The following PRKCE variants were observed in gnomAD, a reference collection of about 807,000 sequenced individuals.
PRKCE encodes protein kinase C epsilon.
Under a neutral mutation model 85.4 loss-of-function variants are expected in PRKCE, and 16 were observed. The ratio of observed to expected loss-of-function variants is 0.19; its 90% confidence interval spans 0.13 to 0.28. The LOEUF (loss-of-function observed/expected upper bound fraction) is 0.28, where lower values mean the gene tolerates loss of function less well. PRKCE is among the 10% of genes least tolerant of loss of function. The pLI, the probability that PRKCE is intolerant of heterozygous loss-of-function variation, is 1.00. For missense variants in PRKCE, 573 were observed against 975.2 expected, an observed-to-expected ratio of 0.59 and a Z score of 5.49; for synonymous variants, 388 against 371.5, an observed-to-expected ratio of 1.04 and a Z score of -0.51.
chr2:45,949,402 G>GTTTTTTTTTTTTTTTTTTTTGTTTT (rs35033431), intron 2 of PRKCE, among the ~76,000 whole-genome samples: 7 of 118,742 alleles, frequency 5.9e-5, no homozygotes, highest in Non-Finnish European at 8.6e-5. Flanking sequence ...TATTTTGCTT[G>GTTTTTTTTTTTTTTTTTTTTGTTTT]TTTTTTTTTT....
intron 2 of PRKCE, among the ~76,000 whole-genome samples, chr2:45,858,375 G>GTT (rs5830876): frequency 3.3e-5 from 5 of 150,742 alleles, no homozygotes; most frequent in South Asian, 2.1e-4. Context: ...AAATGATGGG[G>GTT]TTTTTTTTTG....
At chr2:45,913,894 C>A (rs1232786984) in intron 2 of PRKCE, among the ~76,000 whole-genome samples, 2 of 152,186 alleles carry the variant, frequency 1.3e-5, no homozygotes, top group African/African-American at 4.8e-5. Context: ...GAATCCTGCC[C>A]AAACTGGAGT....
intron 1 of PRKCE, among the ~76,000 whole-genome samples, chr2:45,672,422 T>A (rs1025968926): frequency 6.6e-6 from 1 of 151,860 alleles, no homozygotes; most frequent in African/African-American, 2.4e-5. Context: ...ATCCATCTAT[T>A]CATCTATCTC....
intron 1 of PRKCE, among the ~76,000 whole-genome samples, chr2:45,825,579 A>G (rs984001381): frequency 4.6e-5 from 7 of 152,202 alleles, no homozygotes. Context: ...GTTACACCTG[A>G]TTTAATAAAA....
At position 46,141,011 on chromosome 2, in the gene PRKCE, T is replaced by C. The variant is rs981385404; in HGVS notation, c.1593-4082T>C. On this transcript the variant is annotated intron_variant, in intron 11 of 14. Coordinates refer to ENST00000306156, the MANE Select transcript of PRKCE (RefSeq NM_005400.3). Reference sequence around the variant, plus strand: ...ATAATATACCATGTTGGGAAAGATATCGGAAGCAGGCACTGTCATATATTG... The same window carrying C: ...ATAATATACCATGTTGGGAAAGATACCGGAAGCAGGCACTGTCATATATTG... Among the ~76,000 whole-genome samples, 8 of 152,306 alleles carry C rather than the reference T, an allele frequency of 5.3e-5. No homozygotes were observed. In the South Asian group the frequency reaches 1.5e-3, roughly 28 times the overall value.
intron 1 of PRKCE, among the ~76,000 whole-genome samples, chr2:45,794,996 C>T (rs1028955815): frequency 1.3e-5 from 2 of 152,214 alleles, no homozygotes; most frequent in Non-Finnish European, 1.5e-5. Context: ...TTGTTTTCCA[C>T]TCTTTCCTTT....
At chr2:46,141,882 A>C (rs950996186) in intron 11 of PRKCE, among the ~76,000 whole-genome samples, 1 of 152,034 alleles carries the variant, frequency 6.6e-6, no homozygotes, top group Non-Finnish European at 1.5e-5. Context: ...CACCATGGGA[A>C]CTCTCAGGAG....
rs921181453 is a variant in PRKCE at position 45,905,034 on chromosome 2, G to A, written c.412+61971G>A. Among the ~76,000 whole-genome samples, 3 of 152,206 alleles carry A rather than the reference G, an allele frequency of 2.0e-5. No individual in the cohort carries two copies. Among genetic ancestry groups the A allele is most frequent in the Non-Finnish European group, 4.4e-5 (3 of 68,028 alleles). On this transcript the variant is annotated intron_variant, in intron 2 of 14. Transcript: ENST00000306156. This position sits in a 1 kb window ranked among gnomAD's most constrained non-coding sequence, Gnocchi z 4.4. ...GGCTCCACATCACTTCAGCAGGCAC[G>A]GTGACACACAGGACTCACTGGATGC...
At chr2:46,016,982 C>A in intron 10 of PRKCE, among the ~76,000 whole-genome samples, 1 of 148,660 alleles carries the variant, frequency 6.7e-6, no homozygotes. Context: ...AATGATGTCT[C>A]TATGAATTCA....
chr2:46,025,660 T>C (rs755990308), intron 10 of PRKCE, among the ~76,000 whole-genome samples: 4 of 152,214 alleles, frequency 2.6e-5, no homozygotes, highest in Non-Finnish European at 5.9e-5. Flanking sequence ...TCTCGCTGTC[T>C]CATAAGGGAC....
chr2:45,900,108 C>T (rs1381580263), intron 2 of PRKCE, among the ~76,000 whole-genome samples: 2 of 151,828 alleles, frequency 1.3e-5, no homozygotes, highest in African/African-American at 4.8e-5. Flanking sequence ...TGGAAAAAAC[C>T]CAGAAAATAA....
chr2:46,104,296 C>CTTT (rs59018550), intron 11 of PRKCE, among the ~76,000 whole-genome samples: 10,026 of 118,308 alleles, frequency 0.085, 666 homozygotes, highest in Non-Finnish European at 0.12. Context: ...TCACCTTGTA[C>CTTT]TTTTTTTTTT....
chr2:46,009,866 G>A (rs1225068564), intron 9 of PRKCE, among the ~76,000 whole-genome samples: 3 of 152,200 alleles, frequency 2.0e-5, no homozygotes, highest in Non-Finnish European at 4.4e-5. Flanking sequence ...GTTAAAAATA[G>A]TTACATTATT....
At chr2:45,831,323 T>A (rs1439039452) in intron 1 of PRKCE, among the ~76,000 whole-genome samples, 1 of 152,250 alleles carries the variant, frequency 6.6e-6, no homozygotes. Context: ...ACATGGAAAT[T>A]AACTATGGTT....
chr2:45,658,735 T>G (rs1415035909), intron 1 of PRKCE, among the ~76,000 whole-genome samples: 7 of 152,222 alleles, frequency 4.6e-5, no homozygotes, highest in Non-Finnish European at 1.0e-4. Context: ...GTGTTCATAG[T>G]TTTAGAATCT....
chr2:45,754,138 C>T (rs1007499578), intron 1 of PRKCE, among the ~76,000 whole-genome samples: 3 of 152,134 alleles, frequency 2.0e-5, no homozygotes, highest in Non-Finnish European at 2.9e-5. Context: ...TGACCCAGAG[C>T]TGTTGAAATG....
At chr2:45,960,681 C>A (rs1281982018) in intron 2 of PRKCE, among the ~76,000 whole-genome samples, 1 of 152,324 alleles carries the variant, frequency 6.6e-6, no homozygotes, top group East Asian at 1.9e-4. Context: ...GTACTGTGGT[C>A]CCCTGGGGAT....
chr2:46,141,565 T>G (rs1675533970), intron 11 of PRKCE, among the ~76,000 whole-genome samples: 2 of 152,176 alleles, frequency 1.3e-5, no homozygotes. Flanking sequence ...TTTGGTTTTT[T>G]GAACACATGA....
intron 1 of PRKCE, among the ~76,000 whole-genome samples, chr2:45,657,457 T>C (rs367884755): frequency 9.9e-5 from 15 of 152,216 alleles, no homozygotes; most frequent in East Asian, 3.8e-4. Context: ...TTAATACATG[T>C]ACAATGCATA....
Sources: gnomAD v4.1 joint callset for allele counts (sites outside exome capture counted in the v4.1 genomes callset) on GRCh38, gnomAD v4.1.1 for gene constraint, Gnocchi (gnomAD v3.1) non-coding constraint, MANE v1.5 for transcripts, NCBI Gene and HGNC (gene_info 2026-07-23, HGNC 2026-07-21) for gene names.